Variants in BMPER observed in about 807,000 individuals in gnomAD.
BMPER encodes the protein BMP-binding endothelial regulator protein.
In BMPER, 45 loss-of-function variants were observed where a neutral mutation model predicts 87.3. The observed-to-expected ratio is 0.52, with a 90% confidence interval of 0.41 to 0.66. The LOEUF is 0.66. BMPER is among the 30% of genes least tolerant of loss of function. BMPER has a pLI of 0.00. For synonymous variants in BMPER, 326 were observed against 316.2 expected (o/e 1.03, Z -0.33); for missense variants, 784 against 867.5 (o/e 0.90, Z 1.21).
At chr7:33,953,575 A>G (rs184579381) in intron 3 of BMPER, among the ~76,000 whole-genome samples, 1 of 152,318 alleles carries the variant, frequency 6.6e-6, no homozygotes, top group Admixed American at 6.5e-5. Flanking sequence ...GCCCTACTCC[A>G]GACCAAATGA....
intron 3 of BMPER, among the ~76,000 whole-genome samples, chr7:33,944,176 A>G (rs562999352): frequency 2.4e-4 from 37 of 151,738 alleles, no homozygotes; most frequent in African/African-American, 8.7e-4. Context: ...ATTTATTATT[A>G]TTATTATTGA....
chr7:33,907,306 G>A (rs1156629750), intron 2 of BMPER, among the ~76,000 whole-genome samples: 2 of 151,982 alleles, frequency 1.3e-5, no homozygotes, highest in African/African-American at 4.8e-5. Flanking sequence ...ATGAAGGTCA[G>A]GAATAAGGTA....
chr7:33,945,536 G>A (rs1435431191), intron 3 of BMPER, among the ~76,000 whole-genome samples: 1 of 152,130 alleles, frequency 6.6e-6, no homozygotes, highest in Non-Finnish European at 1.5e-5. Context: ...ACAGCTGTAA[G>A]CCACCGTCCC....
chr7:33,916,870 C>CG (rs75259386), intron 2 of BMPER, among the ~76,000 whole-genome samples: 7 of 152,152 alleles, frequency 4.6e-5, no homozygotes, highest in Non-Finnish European at 8.8e-5. Context: ...ATAGCTCCCC[C>CG]CAGAATGGAA....
rs573866399 is a variant in BMPER, at chr7:34,030,467, G to A, written c.577-15839G>A. ...ATTTGTTAAAAGATTTTAAAAAGCC[G>A]TCAATGAAGGAACCTATTTAACTTT... is the stretch of plus-strand genomic sequence containing the variant. On this transcript the variant is annotated intron_variant, in intron 6 of 14. Coordinates refer to ENST00000649409, the MANE Select transcript of BMPER (RefSeq NM_001365308.1). Among the ~76,000 whole-genome samples the A allele has an allele frequency of 5.9e-5, 9 of 152,120 alleles. No homozygotes were observed. The South Asian group carries it at 6.2e-4, about 11-fold the overall frequency.
Position 34,058,056 on chromosome 7 carries a change from T to C in BMPER, c.928-3T>C, listed in dbSNP as rs148948560. 25 of 1,613,658 alleles carry C rather than the reference T, an allele frequency of 1.5e-5. No individual in the cohort carries two copies. In the Admixed American group the frequency reaches 3.8e-4, roughly 25 times the overall value. On this transcript the variant is annotated splice_region_variant and splice_polypyrimidine_tract_variant and intron_variant, in intron 9 of 14. Transcript: ENST00000649409. Reference sequence around the variant, plus strand: ...TGACAGGATCCTGTGCCCTCTCTTGTAGGATGGAGAGATGTGGTCCTCTAT... The same window carrying C: ...TGACAGGATCCTGTGCCCTCTCTTGCAGGATGGAGAGATGTGGTCCTCTAT...
At chr7:34,141,234 C>CTG (rs1562769369) in intron 13 of BMPER, among the ~76,000 whole-genome samples, 78 of 151,442 alleles carry the variant, frequency 5.2e-4, no homozygotes, top group African/African-American at 1.6e-3. Context: ...AGTGTAAAGA[C>CTG]TGTGTTTAAT....
At chr7:34,052,789 A>T (rs530221808) in intron 8 of BMPER, among the ~76,000 whole-genome samples, 1 of 152,290 alleles carries the variant, frequency 6.6e-6, no homozygotes, top group Non-Finnish European at 1.5e-5. Flanking sequence ...TCTTGATTAC[A>T]TGCTTTGTTC....
chr7:34,086,899 G>T (rs1384535858), intron 13 of BMPER, among the ~76,000 whole-genome samples: 1 of 152,098 alleles, frequency 6.6e-6, no homozygotes, highest in Non-Finnish European at 1.5e-5. Flanking sequence ...ACCACTGTGG[G>T]TGTGGGAGGA....
At chr7:34,071,946 C>G (rs1329596907) in intron 11 of BMPER, among the ~76,000 whole-genome samples, 1 of 152,160 alleles carries the variant, frequency 6.6e-6, no homozygotes, top group Non-Finnish European at 1.5e-5. Context: ...CACATTTCTT[C>G]AGATTATCAA....
At chr7:33,945,143 G>A (rs183293630) in intron 3 of BMPER, among the ~76,000 whole-genome samples, 77 of 151,806 alleles carry the variant, frequency 5.1e-4, no homozygotes, top group Non-Finnish European at 8.2e-4. Flanking sequence ...GGGTTTCACC[G>A]TGTTAGCCAG....
intron 6 of BMPER, among the ~76,000 whole-genome samples, chr7:33,989,116 T>C (rs1383654802): frequency 7.4e-6 from 1 of 134,390 alleles, no homozygotes; most frequent in East Asian, 2.1e-4. Flanking sequence ...TTTATAGTCC[T>C]TTGGGTATAT....
intron 6 of BMPER, among the ~76,000 whole-genome samples, chr7:34,038,006 C>T (rs1171621566): frequency 6.6e-6 from 1 of 152,048 alleles, no homozygotes; most frequent in Non-Finnish European, 1.5e-5. Flanking sequence ...ACATTTGGGA[C>T]TACACAGAGA....
chr7:34,079,865 C>A (rs528959709), intron 12 of BMPER, among the ~76,000 whole-genome samples: 1 of 152,180 alleles, frequency 6.6e-6, no homozygotes, highest in Admixed American at 6.5e-5. Context: ...ACATATATTC[C>A]CCCTTGGGCC....
intron 2 of BMPER, among the ~76,000 whole-genome samples, chr7:33,922,627 A>T (rs1339046446): frequency 6.6e-6 from 1 of 152,000 alleles, no homozygotes; most frequent in Non-Finnish European, 1.5e-5. Flanking sequence ...GAAACTAAGA[A>T]CCCATGACTG....
intron 6 of BMPER, among the ~76,000 whole-genome samples, chr7:34,040,184 GA>G (rs1032166601): frequency 2.0e-5 from 3 of 152,146 alleles, no homozygotes; most frequent in African/African-American, 7.2e-5. Flanking sequence ...TGAAATGTTG[GA>G]AAATCTCTAA....
chr7:34,116,506 T>C (rs1790122228), intron 13 of BMPER, among the ~76,000 whole-genome samples: 1 of 152,250 alleles, frequency 6.6e-6, no homozygotes, highest in Admixed American at 6.5e-5. Context: ...GAATGACTCA[T>C]TTTTCAGAAT....
chr7:33,945,134 G>C (rs547990295), intron 3 of BMPER, among the ~76,000 whole-genome samples: 1 of 152,044 alleles, frequency 6.6e-6, no homozygotes, highest in African/African-American at 2.4e-5. Context: ...GTAGAGACAG[G>C]GTTTCACCGT....
intron 5 of BMPER, among the ~76,000 whole-genome samples, chr7:33,973,606 C>T (rs1585693481): frequency 6.6e-6 from 1 of 152,358 alleles, no homozygotes; most frequent in East Asian, 1.9e-4. Context: ...GAACCAGCTG[C>T]TCCAAGAGCT....
Sources: allele counts gnomAD v4.1 joint callset (sites outside exome capture counted in the v4.1 genomes callset), GRCh38; gene constraint gnomAD v4.1.1; transcripts MANE v1.5; gene names NCBI Gene and HGNC (gene_info 2026-07-23, HGNC 2026-07-21).